IRGM: variants seen among roughly 807,000 people sequenced by gnomAD.
The protein encoded by IRGM is immunity related GTPase M, also known as immunity-related GTPase family M protein.
For missense variants in IRGM, 288 were observed against 219.9 expected, an observed-to-expected ratio of 1.31 and a Z score of -1.96; for synonymous variants, 98 against 80.6, an observed-to-expected ratio of 1.22 and a Z score of -1.16.
In IRGM at chr5:150,871,068, G is replaced by C. The variant is rs147351728; in HGVS notation, c.159-6912G>C. Among the ~76,000 whole-genome samples, 144 of 152,242 alleles carry C rather than the reference G, an allele frequency of 9.5e-4. 1 individual carries two copies. The highest frequency in any genetic ancestry group is 3.3e-3 in the African/African-American group (138 of 41,554). ...AGATTTCTGATTTTGACTACTTAAG[G>C]GGCTTTATTTACATACAAGGCAACC... On this transcript the variant is annotated intron_variant and NMD_transcript_variant, in intron 1 of 3. Coordinates refer to the IRGM transcript ENST00000520549.
chr5:150,895,939 C>T (rs1754751706), intron 3 of IRGM: 2 of 1,613,548 alleles, frequency 1.2e-6, no homozygotes, highest in Non-Finnish European at 1.7e-6. Flanking sequence ...TAGGGTTTCT[C>T]ACCAGTGTGA....
rs925151384 is a variant in IRGM at position 150,848,367 on chromosome 5, C to T, written c.244C>T (p.His82Tyr). 1.6e-5 allele frequency: 25 copies of T among 1,551,710 alleles called. No homozygotes were observed. The highest frequency in any genetic ancestry group is 2.0e-5 in the Non-Finnish European group (23 of 1,146,986). The change falls in exon 2 of 2, where the codon CAC becomes TAC. Residue 82 changes from histidine to tyrosine, a missense_variant. His to Tyr is a moderately conservative substitution (Grantham distance 83). Coordinates refer to ENST00000522154, the MANE Select transcript of IRGM (RefSeq NM_001145805.2). ...TQRCASYFSSHFSNVVLWDLP... is the reference protein window; with the variant it reads ...TQRCASYFSSYFSNVVLWDLP... ...AAGATGTGCCTCCTATTTCTCTTCC[C>T]ACTTTTCAAATGTGGTGTTGTGGGA...
chr5:150,898,109 AT>A, intron 3 of IRGM: 1 of 1,613,682 alleles, frequency 6.2e-7, no homozygotes, highest in Non-Finnish European at 8.5e-7. Context: ...CCAATTTGAT[AT>A]GTCTCCCTTT....
intron 3 of IRGM, among the ~76,000 whole-genome samples, chr5:150,892,681 C>A (rs1754630004): frequency 6.6e-6 from 1 of 152,056 alleles, no homozygotes; most frequent in African/African-American, 2.4e-5. Context: ...GGTTTTTTAT[C>A]TATGCCCTTT....
intron 1 of IRGM, among the ~76,000 whole-genome samples, chr5:150,873,707 G>A (rs6878395): frequency 6.6e-6 from 1 of 152,136 alleles, no homozygotes; most frequent in Non-Finnish European, 1.5e-5. Context: ...TGCATAATTG[G>A]CATAGACATA....
At chr5:150,860,060 A>G (rs1413067685) in intron 1 of IRGM, among the ~76,000 whole-genome samples, 2 of 152,210 alleles carry the variant, frequency 1.3e-5, no homozygotes, top group African/African-American at 2.4e-5. Context: ...AATAGATTTC[A>G]TTGCTCAATA....
intron 1 of IRGM, among the ~76,000 whole-genome samples, chr5:150,858,997 C>A (rs2113261504): frequency 6.6e-6 from 1 of 152,318 alleles, no homozygotes; most frequent in Middle Eastern, 3.4e-3. Context: ...GCATCCCTGT[C>A]TTGTGCCCAT....
downstream of IRGM, among the ~76,000 whole-genome samples, chr5:150,902,016 TAATC>T (rs999478372): frequency 2.6e-5 from 4 of 152,172 alleles, no homozygotes; most frequent in Admixed American, 6.5e-5. Flanking sequence ...TATAAACTGT[TAATC>T]AATCACAGTT....
At chr5:150,895,305 C>T in intron 3 of IRGM, 1 of 730,816 alleles carries the variant, frequency 1.4e-6, no homozygotes, top group East Asian at 2.9e-5. Context: ...AAACTAGAAA[C>T]AAATTCCCTT....
intron 1 of IRGM, among the ~76,000 whole-genome samples, chr5:150,875,474 G>T (rs181282110): frequency 6.6e-6 from 1 of 152,198 alleles, no homozygotes; most frequent in Non-Finnish European, 1.5e-5. Flanking sequence ...TTGGGAAATA[G>T]GTATGTGGAT....
At chr5:150,850,276 CAG>C (rs1753955416), downstream of IRGM, among the ~76,000 whole-genome samples, 1 of 152,124 alleles carries the variant, frequency 6.6e-6, no homozygotes, top group Non-Finnish European at 1.5e-5. Flanking sequence ...ATAATTTAAA[CAG>C]TACATAATTA....
intron 1 of IRGM, among the ~76,000 whole-genome samples, chr5:150,855,891 A>G (rs1396962394): frequency 6.6e-6 from 1 of 152,214 alleles, no homozygotes. Context: ...TTTGATATCA[A>G]TTAATTTAGA....
chr5:150,900,438 T>C (rs1007216071), intron 3 of IRGM, among the ~76,000 whole-genome samples: 3 of 152,092 alleles, frequency 2.0e-5, no homozygotes, highest in African/African-American at 7.2e-5. Context: ...CCTACTTCCT[T>C]AGAAATCTGG....
chr5:150,887,296 A>C (rs1328322679), intron 3 of IRGM, among the ~76,000 whole-genome samples: 1 of 152,094 alleles, frequency 6.6e-6, no homozygotes, highest in Non-Finnish European at 1.5e-5. Flanking sequence ...TCACAATGCA[A>C]TCACAAGTAA....
At position 150,847,023 on chromosome 5, in the gene IRGM, A is replaced by G. The variant is rs1454502826; in HGVS notation, c.-613A>G. ...TGCAAGAGCCAGGTTTGGCGAATGC[A>G]ATGATAAGCAATTGTCTAATCACTG... On this transcript the variant is annotated 5_prime_UTR_variant, in exon 1 of 2. Transcript: ENST00000522154. The G allele has an allele frequency of 6.6e-6, 1 of 152,376 alleles. No individual in the cohort carries two copies. The highest frequency in any genetic ancestry group is 1.5e-5 in the Non-Finnish European group (1 of 68,064). The allele number at this position is 152,376 out of a possible 1,614,324, so 9.4% of individuals were successfully genotyped here.
At chr5:150,857,546 C>G (rs1447408623) in intron 1 of IRGM, among the ~76,000 whole-genome samples, 3 of 151,740 alleles carry the variant, frequency 2.0e-5, no homozygotes, top group Non-Finnish European at 4.4e-5. Context: ...GTCCCACCAA[C>G]AGTGTAAAAG....
chr5:150,883,026 C>T (rs565036146), intron 3 of IRGM, among the ~76,000 whole-genome samples: 1 of 152,028 alleles, frequency 6.6e-6, no homozygotes, highest in East Asian at 1.9e-4. Flanking sequence ...CTTTTCCAGC[C>T]AAAATGGTAT....
downstream of IRGM, among the ~76,000 whole-genome samples, chr5:150,849,347 TTAAC>T (rs34249210): frequency 0.17 from 25,168 of 152,050 alleles, 2,940 homozygotes; most frequent in East Asian, 0.43. Context: ...CCTAATATCT[TTAAC>T]TAACGAAGGA....
At chr5:150,862,179 C>A (rs1581643396) in intron 1 of IRGM, among the ~76,000 whole-genome samples, 1 of 152,368 alleles carries the variant, frequency 6.6e-6, no homozygotes, top group Non-Finnish European at 1.5e-5. Context: ...CCCTCAGTTC[C>A]TTGCCATGTG....
Sources: allele counts gnomAD v4.1 joint callset (sites outside exome capture counted in the v4.1 genomes callset), GRCh38; gene constraint gnomAD v4.1.1; transcripts MANE v1.5; gene names NCBI Gene and HGNC (gene_info 2026-07-23, HGNC 2026-07-21).